The following SYN3 variants were observed in gnomAD, a reference collection of about 807,000 sequenced individuals.
SYN3 encodes synapsin III, also known as synapsin-3.
In SYN3, 35 loss-of-function variants were observed where a neutral mutation model predicts 65.8. The ratio of observed to expected loss-of-function variants is 0.53; its 90% CI spans 0.41 to 0.70. SYN3 has a LOEUF of 0.70. Among genes scored for constraint, SYN3 ranks in the 30% least tolerant of loss-of-function variants. The pLI, the probability that SYN3 is intolerant of heterozygous loss-of-function variation, is 0.00. For missense variants in SYN3, 680 were observed against 749.0 expected (o/e 0.91, Z 1.08); for synonymous variants, 270 against 292.9 (o/e 0.92, Z 0.80).
At chr22:33,037,962 T>A (rs2053889486) in intron 1 of SYN3, among the ~76,000 whole-genome samples, 1 of 147,340 alleles carries the variant, frequency 6.8e-6, no homozygotes, top group East Asian at 2.0e-4. Context: ...AGAAGAAAAA[T>A]GCAGTGAATG....
At chr22:32,921,723 A>C (rs539706047) in intron 4 of SYN3, among the ~76,000 whole-genome samples, 2 of 152,288 alleles carry the variant, frequency 1.3e-5, no homozygotes, top group South Asian at 4.1e-4. Flanking sequence ...ATTATTACAC[A>C]CTTAATTTAG....
intron 6 of SYN3, among the ~76,000 whole-genome samples, chr22:32,818,311 C>A (rs550049954): frequency 3.9e-5 from 6 of 152,108 alleles, no homozygotes; most frequent in Admixed American, 6.5e-5. Context: ...CCAGCCTATG[C>A]GGTCCATCAG....
At chr22:32,624,615 C>T (rs1195610956) in intron 6 of SYN3, among the ~76,000 whole-genome samples, 3 of 152,290 alleles carry the variant, frequency 2.0e-5, no homozygotes, top group South Asian at 2.1e-4. Context: ...ATAAAGATTT[C>T]GGCGATGACT....
intron 4 of SYN3, among the ~76,000 whole-genome samples, chr22:32,889,418 GA>G (rs137511): frequency 0.91 from 132,664 of 146,428 alleles, 60,025 homozygotes; most frequent in African/African-American, 0.94. Context: ...CCTCCACAAG[GA>G]AAAAAAAAAA....
rs1387468000 is a variant in SYN3, at chr22:32,706,012, A to T, written c.712-109276T>A. 2.0e-5 allele frequency among the ~76,000 whole-genome samples: 3 copies of T among 152,202 alleles called. No individual in the cohort carries two copies. The East Asian group carries it at 5.8e-4, about 29-fold the overall frequency. ...AGAATCACATCAATGGCAAACAGGG[A>T]TAGCTTGACTTCCTTTCTTCCTATT... On this transcript the variant is annotated intron_variant, in intron 6 of 13. Transcript: ENST00000358763.
In SYN3 at chr22:32,587,242, A is replaced by AAG. The variant is rs1555902498; in HGVS notation, c.774+9430_774+9431dup. On this transcript the variant is annotated intron_variant, in intron 7 of 13. Coordinates refer to ENST00000358763, the MANE Select transcript of SYN3 (RefSeq NM_003490.4). Reference sequence around the variant, plus strand: ...TATCTCAAAAAAAAAAAAAAAAAAAAAGAGAGAGAGAAGCAGAGAATAAAG... The same window carrying AAG: ...TATCTCAAAAAAAAAAAAAAAAAAAAAGAGAGAGAGAGAAGCAGAGAATAAAG... Among the ~76,000 whole-genome samples, 1,261 of 130,322 alleles carry AAG rather than the reference A, an allele frequency of 9.7e-3. 64 individuals carry two copies. The highest frequency in any genetic ancestry group is 0.034 in the Middle Eastern group (8 of 236). The allele number at this position is 130,322 out of a possible 152,430, so 85.5% of individuals were successfully genotyped here. A position where few individuals can be genotyped will look rare whatever the true frequency, so the allele number is the denominator to read the frequency against.
chr22:32,618,116 C>T (rs555670896), intron 6 of SYN3, among the ~76,000 whole-genome samples: 89 of 152,220 alleles, frequency 5.8e-4, no homozygotes, highest in African/African-American at 2.0e-3. Context: ...TAAGTGAATA[C>T]GGAAATGTAT....
intron 8 of SYN3, among the ~76,000 whole-genome samples, chr22:32,538,990 C>T (rs1194824582): frequency 2.0e-5 from 3 of 152,064 alleles, no homozygotes; most frequent in Admixed American, 2.0e-4. Flanking sequence ...GAACTGTGTA[C>T]ACTGGGGGAG....
intron 2 of SYN3, among the ~76,000 whole-genome samples, chr22:32,999,736 G>A (rs2053001918): frequency 6.6e-6 from 1 of 152,052 alleles, no homozygotes; most frequent in Non-Finnish European, 1.5e-5. Context: ...ACAGGAAGCA[G>A]AGCTGGAGGC....
chr22:33,014,073 TA>T (rs133952), intron 1 of SYN3, among the ~76,000 whole-genome samples: 67,675 of 129,792 alleles, frequency 0.52, 18,079 homozygotes, highest in African/African-American at 0.72. Context: ...CCCAGCTAGT[TA>T]AAAAAAAAAA....
intron 6 of SYN3, among the ~76,000 whole-genome samples, chr22:32,669,529 T>C (rs1282206525): frequency 6.6e-6 from 1 of 152,214 alleles, no homozygotes; most frequent in Non-Finnish European, 1.5e-5. Flanking sequence ...AGAACGGCTG[T>C]CATTTGCTAC....
At chr22:32,630,622 A>G (rs1428822146) in intron 6 of SYN3, among the ~76,000 whole-genome samples, 2 of 152,178 alleles carry the variant, frequency 1.3e-5, no homozygotes, top group Non-Finnish European at 2.9e-5. Flanking sequence ...AAACAGTAAA[A>G]TGAATACTTT....
At chr22:32,851,606 T>A (rs1171274801) in intron 6 of SYN3, among the ~76,000 whole-genome samples, 1 of 152,104 alleles carries the variant, frequency 6.6e-6, no homozygotes, top group Non-Finnish European at 1.5e-5. Context: ...AGATGTAGGA[T>A]CCCTCGTCTT....
At position 32,991,091 on chromosome 22, in the gene SYN3, G is replaced by A. The variant is rs551707204; in HGVS notation, c.312-10389C>T. Among the ~76,000 whole-genome samples the A allele has an allele frequency of 1.6e-4, 24 of 152,188 alleles. 2 individuals carry two copies. In the South Asian group the frequency reaches 4.8e-3, roughly 30 times the overall value. On this transcript the variant is annotated intron_variant, in intron 2 of 13. Coordinates refer to ENST00000358763, the MANE Select transcript of SYN3 (RefSeq NM_003490.4). ...CCAGCTACTCAGGAGGCTGAGGCAG[G>A]AGAATTGCTTGAACCCAGGAGGCAG...
chr22:32,829,394 T>C (rs950816015), intron 6 of SYN3, among the ~76,000 whole-genome samples: 3 of 152,208 alleles, frequency 2.0e-5, no homozygotes, highest in African/African-American at 7.2e-5. Flanking sequence ...TGGCTCCCAG[T>C]TGGCACTTCA....
At chr22:32,753,426 C>G (rs1424807688) in intron 6 of SYN3, among the ~76,000 whole-genome samples, 1 of 152,254 alleles carries the variant, frequency 6.6e-6, no homozygotes, top group African/African-American at 2.4e-5. Flanking sequence ...ATGACGATGA[C>G]GCATAGGGAG....
intron 6 of SYN3, among the ~76,000 whole-genome samples, chr22:32,683,379 C>A (rs895094389): frequency 1.3e-5 from 2 of 152,212 alleles, no homozygotes; most frequent in East Asian, 3.9e-4. Context: ...CATGGCCATA[C>A]TTTTTATGCC....
At chr22:32,872,866 T>C (rs936148781) in intron 4 of SYN3, among the ~76,000 whole-genome samples, 1 of 151,464 alleles carries the variant, frequency 6.6e-6, no homozygotes, top group South Asian at 2.1e-4. Context: ...GATCCCAAGA[T>C]GACAGGGATG....
intron 9 of SYN3, 127 bp downstream of exon 9, chr22:32,537,909 G>A (rs757904826): frequency 1.4e-6 from 1 of 731,460 alleles, no homozygotes; most frequent in Admixed American, 2.3e-5. Flanking sequence ...GTCTAAAAAA[G>A]TGCTCTGTGG....
Sources: allele counts gnomAD v4.1 joint callset (sites outside exome capture counted in the v4.1 genomes callset), GRCh38; gene constraint gnomAD v4.1.1; transcripts MANE v1.5; gene names NCBI Gene and HGNC (gene_info 2026-07-23, HGNC 2026-07-21).